MDGA1: variants seen among roughly 807,000 people sequenced by gnomAD.
The protein encoded by MDGA1 is MAM domain containing glycosylphosphatidylinositol anchor 1.
A neutral mutation model predicts 101.5 loss-of-function variants in MDGA1; 54 were observed. That is an observed-to-expected ratio of 0.53 (90% CI 0.43 to 0.67). The LOEUF (loss-of-function observed/expected upper bound fraction) is 0.67, where lower values mean the gene tolerates loss of function less well. Ranked by LOEUF, MDGA1 falls within the 30% of genes least tolerant of loss-of-function variation. The pLI is 0.00. For missense variants in MDGA1, 1,083 were observed against 1,323.8 expected (o/e 0.82, Z 2.82); for synonymous variants, 533 against 558.3 (o/e 0.95, Z 0.64).
At position 37,655,963 on chromosome 6, in the gene MDGA1, G is replaced by A; in HGVS notation, c.383-67C>T. 1 of 1,400,582 alleles carries A rather than the reference G, an allele frequency of 7.1e-7. No homozygotes were observed. Among genetic ancestry groups the A allele is most frequent in the Non-Finnish European group, 9.6e-7 (1 of 1,036,922 alleles). The allele number at this position is 1,400,582 out of a possible 1,614,324, so 86.8% of individuals were successfully genotyped here. The stretch of plus-strand genomic sequence containing the variant: ...CCAAGGTTGGGGGGCTCAGGCTCCT[G>A]GCAGCCCTTAGGAAGAGCTGAGCCA... On this transcript the variant is annotated intron_variant, in intron 3 of 16. Transcript: ENST00000434837. The surrounding 1 kb of genome is among the most constrained non-coding windows in gnomAD (Gnocchi z 5.1).
At position 37,655,637 on chromosome 6, in the gene MDGA1, T is replaced by C. The variant is rs1420024573; in HGVS notation, c.579+63A>G. The C allele has an allele frequency of 1.5e-6, 2 of 1,348,658 alleles. No individual in the cohort carries two copies. Among genetic ancestry groups the C allele is most frequent in the Non-Finnish European group, 2.0e-6 (2 of 990,476 alleles). The allele number at this position is 1,348,658 out of a possible 1,614,324, so 83.5% of individuals were successfully genotyped here. Reference sequence around the variant, plus strand: ...AGGCAGTCCCAAAAACTCAGCCCCATGCCCCCCTCCCCTGTTGGATGCAGG... The same window carrying C: ...AGGCAGTCCCAAAAACTCAGCCCCACGCCCCCCTCCCCTGTTGGATGCAGG... On this transcript the variant is annotated intron_variant, in intron 4 of 16. Transcript: ENST00000434837. This position sits in a 1 kb window ranked among gnomAD's most constrained non-coding sequence, Gnocchi z 5.1.
chr6:37,664,378 T>C, intron 1 of MDGA1: 1 of 449,044 alleles, frequency 2.2e-6, no homozygotes, highest in Non-Finnish European at 4.1e-6. Flanking sequence ...AGGGGCTTTG[T>C]CATCTGTACA....
At chr6:37,677,603 T>C (rs1762008130) in intron 1 of MDGA1, among the ~76,000 whole-genome samples, 1 of 152,218 alleles carries the variant, frequency 6.6e-6, no homozygotes, top group African/African-American at 2.4e-5. Context: ...TTTACTGCTA[T>C]GTAAAAATAT....
intron 1 of MDGA1, among the ~76,000 whole-genome samples, chr6:37,691,051 T>A (rs1349345163): frequency 6.6e-6 from 1 of 152,166 alleles, no homozygotes; most frequent in Non-Finnish European, 1.5e-5. Flanking sequence ...CCTTGCTACA[T>A]GACATTTATC....
rs549443075 is a variant in MDGA1, at chr6:37,681,648, T to C, written c.67+15097A>G. On this transcript the variant is annotated intron_variant, in intron 1 of 16. Transcript: ENST00000434837. ...TTACATGCACAAAAAATACAAATAA[T>C]GTGCACTTGCACGAGGCAGAGAGAA... Among the ~76,000 whole-genome samples the C allele has an allele frequency of 1.7e-4, 26 of 152,354 alleles. 1 individual carries two copies. In the East Asian group the frequency reaches 4.4e-3, roughly 26 times the overall value.
Position 37,696,908 on chromosome 6 carries a change from C to G in MDGA1, c.-97G>C. On this transcript the variant is annotated 5_prime_UTR_variant, in exon 1 of 17. Coordinates refer to ENST00000434837, the MANE Select transcript of MDGA1 (RefSeq NM_153487.4). The surrounding 1 kb of genome is among the most constrained non-coding windows in gnomAD (Gnocchi z 5.6). ...CCCCGCGACGCCCCTATGTCCCCCC[C>G]TTTCCCTGAGAGGTGAGAGAGAGAG... 1 of 1,001,382 alleles carries G rather than the reference C, an allele frequency of 1.0e-6. No individual in the cohort carries two copies. The highest frequency in any genetic ancestry group is 1.5e-6 in the Non-Finnish European group (1 of 649,568). 62.0% of individuals were successfully genotyped at this position (1,001,382 alleles called of 1,614,324 possible). A position where few individuals can be genotyped will look rare whatever the true frequency, so the allele number is the denominator to read the frequency against.
intron 1 of MDGA1, among the ~76,000 whole-genome samples, chr6:37,666,559 T>C (rs6458008): frequency 0.31 from 46,501 of 151,986 alleles, 8,257 homozygotes; most frequent in African/African-American, 0.49. Context: ...CATCACTCCA[T>C]TAGTGCAATA....
chr6:37,652,506 T>C lies in MDGA1; in HGVS notation c.983-166A>G, dbSNP rs192049156. Reference sequence around the variant, plus strand: ...ATCACTTTTCTCTGCCTGGGAATTGTTTCATTTGTTCAGATGTGCTTTAAA... The same window carrying C: ...ATCACTTTTCTCTGCCTGGGAATTGCTTCATTTGTTCAGATGTGCTTTAAA... On this transcript the variant is annotated intron_variant, in intron 6 of 16. Coordinates refer to ENST00000434837, the MANE Select transcript of MDGA1 (RefSeq NM_153487.4). This position sits in a 1 kb window ranked among gnomAD's most constrained non-coding sequence, Gnocchi z 4.3. Among the ~76,000 whole-genome samples the C allele has an allele frequency of 1.2e-3, 181 of 152,332 alleles. No homozygotes were observed. Among genetic ancestry groups the C allele is most frequent in the African/African-American group, 4.0e-3 (168 of 41,572 alleles).
At position 37,686,674 on chromosome 6, in the gene MDGA1, G is replaced by A. The variant is rs368358412; in HGVS notation, c.67+10071C>T. On this transcript the variant is annotated intron_variant, in intron 1 of 16. Coordinates refer to ENST00000434837, the MANE Select transcript of MDGA1 (RefSeq NM_153487.4). ...ACTCCTGACCTCAGGAGATCCACCC[G>A]CCTTGGCCTCCCAAAGTGTTGGGAT... Among the ~76,000 whole-genome samples, 142 of 152,190 alleles carry A rather than the reference G, an allele frequency of 9.3e-4. 1 individual carries two copies. Among genetic ancestry groups the A allele is most frequent in the African/African-American group, 3.3e-3 (135 of 41,502 alleles).
Position 37,643,827 on chromosome 6 carries a change from T to C in MDGA1, c.2518A>G (p.Met840Val), listed in dbSNP as rs1330706089. ...KFYCVSFFYH[M>V]YGKHIGSLNL... ...AACTCACCGATGTGTTTCCCGTACA[T>C]GTGGTAGAAGAAGGAGACACAGTAG... Residue 840 changes from methionine (M) to valine (V), a missense_variant, in exon 14 of 17, where the codon ATG becomes GTG. Coordinates refer to ENST00000434837, the MANE Select transcript of MDGA1 (RefSeq NM_153487.4). 6.2e-7 allele frequency: 1 copy of C among 1,613,816 alleles called. No homozygotes were observed. The highest frequency in any genetic ancestry group is 2.2e-5 in the East Asian group (1 of 44,898).
chr6:37,668,910 C>T (rs1454245808), intron 1 of MDGA1, among the ~76,000 whole-genome samples: 2 of 152,082 alleles, frequency 1.3e-5, no homozygotes, highest in African/African-American at 2.4e-5. Flanking sequence ...TACAGTGGCA[C>T]GATCTCAGTT....
intron 1 of MDGA1, among the ~76,000 whole-genome samples, chr6:37,690,707 G>C (rs1434437676): frequency 6.7e-6 from 1 of 148,506 alleles, no homozygotes; most frequent in African/African-American, 2.5e-5. Flanking sequence ...AACCTAGGAG[G>C]CAAAGGTTGC....
intron 12 of MDGA1, 43 bp downstream of exon 12, chr6:37,645,890 C>A (rs1389751896): frequency 6.2e-7 from 1 of 1,610,732 alleles, no homozygotes; most frequent in East Asian, 2.2e-5. Flanking sequence ...GCCTTTGTGT[C>A]CCTAAAGGGA....
rs1051726114 is a variant in MDGA1, at chr6:37,696,907, C to G, written c.-96G>C. The G allele has an allele frequency of 1.0e-5, 10 of 1,004,058 alleles. No individual in the cohort carries two copies. Among genetic ancestry groups the G allele is most frequent in the Non-Finnish European group, 1.5e-5 (10 of 651,970 alleles). 62.2% of individuals were successfully genotyped at this position (1,004,058 alleles called of 1,614,324 possible). A position where few individuals can be genotyped will look rare whatever the true frequency, so the allele number is the denominator to read the frequency against. On this transcript the variant is annotated 5_prime_UTR_variant, in exon 1 of 17. Transcript: ENST00000434837. The surrounding 1 kb of genome is among the most constrained non-coding windows in gnomAD (Gnocchi z 5.6). ...GCCCCGCGACGCCCCTATGTCCCCC[C>G]CTTTCCCTGAGAGGTGAGAGAGAGA...
chr6:37,691,705 G>T (rs926661161), intron 1 of MDGA1, among the ~76,000 whole-genome samples: 1 of 152,236 alleles, frequency 6.6e-6, no homozygotes, highest in Non-Finnish European at 1.5e-5. Context: ...GCTAAGCCTT[G>T]CTCTTGCCTC....
At chr6:37,685,358 T>G (rs1762176574) in intron 1 of MDGA1, among the ~76,000 whole-genome samples, 2 of 151,884 alleles carry the variant, frequency 1.3e-5, no homozygotes, top group Admixed American at 6.6e-5. Flanking sequence ...CAAGTTCAAC[T>G]CAGAGGTCTC....
rs572346506 is a variant in MDGA1 at position 37,662,643 on chromosome 6, A to AAAAAGAAAAGAAAAG, written c.207+1323_207+1324insCTTTTCTTTTCTTTT. ...AAGTGAGACCCCATCTCAAAAAAAA[A>AAAAAGAAAAGAAAAG]AAAACAAGGAAGGCCTCAGAGTCTG... On this transcript the variant is annotated intron_variant, in intron 2 of 16. Coordinates refer to ENST00000434837, the MANE Select transcript of MDGA1 (RefSeq NM_153487.4). Among the ~76,000 whole-genome samples the AAAAAGAAAAGAAAAG allele has an allele frequency of 3.2e-4, 46 of 145,248 alleles. 2 individuals carry two copies. Among genetic ancestry groups the AAAAAGAAAAGAAAAG allele is most frequent in the African/African-American group, 4.5e-4 (18 of 39,844 alleles).
In MDGA1 at chr6:37,650,211, G is replaced by C. The variant is rs1458596189; in HGVS notation, c.1507C>G (p.Arg503Gly). The change falls in exon 8 of 17, where the codon CGA becomes GGA. Residue 503 changes from arginine (R) to glycine (G), a missense_variant. By Grantham distance (125) the Arg-to-Gly change is moderately radical. Transcript: ENST00000434837. Reference protein sequence around the residue: ...ETPDGKLRLERVSRDMSGTYR... With the variant: ...ETPDGKLRLEGVSRDMSGTYR... ...GTCCCGCTCATGTCTCGGCTCACTC[G>C]CTCCAGCCGCAGCTTCCCGTCCGGA... 1 of 1,611,584 alleles carries C rather than the reference G, an allele frequency of 6.2e-7. No individual in the cohort carries two copies. Among genetic ancestry groups the C allele is most frequent in the Admixed American group, 1.7e-5 (1 of 59,928 alleles).
intron 1 of MDGA1, among the ~76,000 whole-genome samples, chr6:37,682,358 C>T (rs1187572966): frequency 1.3e-5 from 2 of 152,150 alleles, no homozygotes; most frequent in Non-Finnish European, 2.9e-5. Flanking sequence ...GTGGCGGGTG[C>T]CTGTAATCCC....
Sources: gnomAD v4.1 joint callset for allele counts (sites outside exome capture counted in the v4.1 genomes callset) on GRCh38, gnomAD v4.1.1 for gene constraint, Gnocchi (gnomAD v3.1) non-coding constraint, MANE v1.5 for transcripts, NCBI Gene and HGNC (gene_info 2026-07-23, HGNC 2026-07-21) for gene names.